The following DOCK2 variants were observed in gnomAD, a reference collection of about 807,000 sequenced individuals.
DOCK2 encodes dedicator of cytokinesis 2.
In DOCK2, 87 loss-of-function variants were observed where a neutral mutation model predicts 248.9. That is an observed-to-expected ratio of 0.35 (90% confidence interval 0.29 to 0.42). The LOEUF is 0.42. Among genes scored for constraint, DOCK2 ranks in the 10% least tolerant of loss-of-function variants. The pLI is 1.00. For missense variants in DOCK2, 1,747 were observed against 2,300.2 expected, an observed-to-expected ratio of 0.76 and a Z score of 4.92; for synonymous variants, 805 against 821.6, an observed-to-expected ratio of 0.98 and a Z score of 0.35.
chr5:170,008,876 C>T (rs10056324), intron 32 of DOCK2, 130 bp downstream of exon 32: 134,451 of 1,117,476 alleles, frequency 0.12, 10,447 homozygotes, highest in African/African-American at 0.28. Flanking sequence ...CTGTGTGTAC[C>T]CCAGTTCCTA....
intron 27 of DOCK2, among the ~76,000 whole-genome samples, chr5:169,940,240 G>C (rs1171030397): frequency 2.0e-5 from 3 of 152,178 alleles, no homozygotes; most frequent in African/African-American, 7.2e-5. Context: ...GGTCTTTATG[G>C]AGTGCCAGCT....
chr5:170,047,395 T>C, intron 39 of DOCK2, 115 bp from the exon 40 acceptor site: 2 of 772,474 alleles, frequency 2.6e-6, no homozygotes, highest in Admixed American at 2.5e-5. Context: ...TGTAAATATG[T>C]GCACATGGCT....
intron 25 of DOCK2, among the ~76,000 whole-genome samples, chr5:169,778,576 T>C (rs1274822102): frequency 6.6e-6 from 1 of 152,232 alleles, no homozygotes; most frequent in Admixed American, 6.5e-5. Flanking sequence ...TTTCTCTCTC[T>C]GTAAAATGAG....
intron 27 of DOCK2, among the ~76,000 whole-genome samples, chr5:169,961,645 A>G (rs1296640278): frequency 6.6e-6 from 1 of 152,142 alleles, no homozygotes; most frequent in African/African-American, 2.4e-5. Context: ...TAAAATTGTG[A>G]CAAGTGCTAA....
chr5:170,056,867 G>A, intron 43 of DOCK2, 99 bp downstream of exon 43: 1 of 1,149,066 alleles, frequency 8.7e-7, no homozygotes, highest in Non-Finnish European at 1.2e-6. Context: ...TTGATAGAAA[G>A]CCAGAGAAAA....
chr5:169,669,683 C>T (rs967043536), intron 3 of DOCK2, among the ~76,000 whole-genome samples: 1 of 152,210 alleles, frequency 6.6e-6, no homozygotes, highest in Non-Finnish European at 1.5e-5. Flanking sequence ...GTCATCTCCT[C>T]ATCCGTATAC....
At chr5:169,960,698 A>ATCCATGGTTTTACTT (rs1198076032) in intron 27 of DOCK2, among the ~76,000 whole-genome samples, 11 of 152,098 alleles carry the variant, frequency 7.2e-5, no homozygotes, top group Admixed American at 7.2e-4. Flanking sequence ...TCCTCCCACA[A>ATCCATGGTTTTACTT]TCCATGGTTT....
intron 22 of DOCK2, among the ~76,000 whole-genome samples, chr5:169,721,444 T>C (rs549459278): frequency 6.6e-6 from 1 of 152,314 alleles, no homozygotes; most frequent in South Asian, 2.1e-4. Flanking sequence ...CAGTGGAGTC[T>C]CTAGGGCATT....
intron 46 of DOCK2, among the ~76,000 whole-genome samples, chr5:170,070,735 C>A (rs140234735): frequency 1.3e-5 from 2 of 152,240 alleles, no homozygotes; most frequent in Non-Finnish European, 2.9e-5. Flanking sequence ...TATACAATTG[C>A]CCTGGTCCTC....
chr5:169,790,491 A>G (rs1766266259), intron 25 of DOCK2, among the ~76,000 whole-genome samples: 1 of 152,256 alleles, frequency 6.6e-6, no homozygotes, highest in African/African-American at 2.4e-5. Flanking sequence ...TTCAATTTAT[A>G]CCCACCTCTT....
At position 169,940,889 on chromosome 5, in the gene DOCK2, G is replaced by T. The variant is rs371042983; in HGVS notation, c.2800-42179G>T. ...GTGTTGGGGACCCCAGATCTAGTGG[G>T]TAAGGCCAGGAATGCTGCTGCTAAT... On this transcript the variant is annotated intron_variant, in intron 27 of 51. Coordinates refer to ENST00000520908, the MANE Select transcript of DOCK2 (RefSeq NM_004946.3). 1.1e-3 allele frequency among the ~76,000 whole-genome samples: 172 copies of T among 152,326 alleles called. 3 individuals are homozygous for T. In the South Asian group the frequency reaches 0.034, roughly 30 times the overall value.
intron 27 of DOCK2, among the ~76,000 whole-genome samples, chr5:169,935,993 CAT>C (rs1384758684): frequency 6.6e-6 from 1 of 152,130 alleles, no homozygotes; most frequent in Non-Finnish European, 1.5e-5. Context: ...AGGAAGTTAA[CAT>C]AAATTTTTTC....
Position 169,637,341 on chromosome 5 carries a change from CA to C in DOCK2, c.18del (p.Ala7LeufsTer44). 1.4e-6 allele frequency: 2 copies of C among 1,431,434 alleles called. No individual in the cohort carries two copies. The highest frequency in any genetic ancestry group is 1.4e-5 in the South Asian group (1 of 71,050). 88.7% of individuals were successfully genotyped at this position (1,431,434 alleles called of 1,614,324 possible). A position where few individuals can be genotyped will look rare whatever the true frequency, so the allele number is the denominator to read the frequency against. On this transcript the variant is annotated frameshift_variant, in exon 1 of 52. Coordinates refer to ENST00000520908, the MANE Select transcript of DOCK2 (RefSeq NM_004946.3). LOFTEE classifies it high-confidence loss of function. ...CCGGCCCAGCCATGGCCCCCTGGCG[CA>C]AAGCTGACAAGGAGCGGCACGGCGT... The part of the protein sequence containing the change: MAPWR[K>X]ADKERHGVAI...
At chr5:170,043,236 C>T (rs539189016) in intron 38 of DOCK2, among the ~76,000 whole-genome samples, 1 of 152,174 alleles carries the variant, frequency 6.6e-6, no homozygotes, top group African/African-American at 2.4e-5. Context: ...CTTCCCTTGA[C>T]CTAAGAGACT....
chr5:170,044,464 T>C (rs535205819), intron 38 of DOCK2, among the ~76,000 whole-genome samples: 45 of 152,276 alleles, frequency 3.0e-4, no homozygotes, highest in African/African-American at 9.6e-4. Context: ...GCCCTTTCCC[T>C]GGTCTCTTAG....
At chr5:169,697,120 A>T (rs1439792365) in intron 10 of DOCK2, among the ~76,000 whole-genome samples, 3 of 152,122 alleles carry the variant, frequency 2.0e-5, no homozygotes, top group African/African-American at 7.2e-5. Flanking sequence ...ATCTGATCTA[A>T]ACTGGTAGAA....
At chr5:169,904,477 G>A (rs1001745510) in intron 27 of DOCK2, among the ~76,000 whole-genome samples, 2 of 152,122 alleles carry the variant, frequency 1.3e-5, no homozygotes, top group Admixed American at 6.5e-5. Context: ...TAATGGGGGT[G>A]GTGGGGAAGG....
At chr5:169,737,733 G>T (rs1763111629) in intron 22 of DOCK2, among the ~76,000 whole-genome samples, 1 of 152,202 alleles carries the variant, frequency 6.6e-6, no homozygotes, top group African/African-American at 2.4e-5. Context: ...ATTCCAGACA[G>T]CTGAACACGT....
At chr5:169,909,416 G>A (rs568865515) in intron 27 of DOCK2, among the ~76,000 whole-genome samples, 17 of 152,222 alleles carry the variant, frequency 1.1e-4, no homozygotes, top group Admixed American at 5.2e-4. Flanking sequence ...TATCCAATTT[G>A]CAATGAATTT....
Sources: allele counts gnomAD v4.1 joint callset (sites outside exome capture counted in the v4.1 genomes callset), GRCh38; gene constraint gnomAD v4.1.1; transcripts MANE v1.5; gene names NCBI Gene and HGNC (gene_info 2026-07-23, HGNC 2026-07-21).